Variants in IGF2R observed in about 807,000 individuals in gnomAD.
The protein encoded by IGF2R is cation-independent mannose-6-phosphate receptor.
Under a neutral mutation model 270.6 loss-of-function variants are expected in IGF2R, and 91 were observed. The ratio of observed to expected loss-of-function variants is 0.34; its 90% CI spans 0.28 to 0.40. The LOEUF is 0.40. IGF2R is among the 10% of genes least tolerant of loss of function. The probability of loss-of-function intolerance (pLI) is 1.00; values close to 1 mark genes in which losing one functional copy is unlikely to be tolerated. For missense variants in IGF2R, 2,805 were observed against 3,188.3 expected (o/e 0.88, Z 2.90); for synonymous variants, 1,316 against 1,258.9 (o/e 1.05, Z -0.96).
intron 10 of IGF2R, among the ~76,000 whole-genome samples, chr6:160,039,413 G>A (rs1376847109): frequency 1.3e-5 from 2 of 152,226 alleles, no homozygotes; most frequent in East Asian, 3.8e-4. Context: ...ACTGTATAAA[G>A]AAAGTACTTA....
rs1290083583 is a variant in IGF2R at position 160,080,122 on chromosome 6, T to C, written c.5687-7T>C. 1 of 1,613,798 alleles carries C rather than the reference T, an allele frequency of 6.2e-7. No individual in the cohort carries two copies. The highest frequency in any genetic ancestry group is 8.5e-7 in the Non-Finnish European group (1 of 1,179,912). On this transcript the variant is annotated splice_region_variant and splice_polypyrimidine_tract_variant and intron_variant, in intron 38 of 47. Transcript: ENST00000356956. ...TGCCACACTGATAATGTTCTTCTTC[T>C]TTCCAGAAACCGATGACGGCGTCCC...
chr6:160,085,025 TAAAGGGCCCCTGGGCTGCTCTG>T lies in IGF2R; in HGVS notation c.6108_6129del (p.Leu2037AlafsTer25). On this transcript the variant is annotated frameshift_variant, in exon 41 of 48. Coordinates refer to ENST00000356956, the MANE Select transcript of IGF2R (RefSeq NM_000876.4). LOFTEE classifies it high-confidence loss of function. The stretch of plus-strand genomic sequence containing the variant: ...ATATAAATCTGTGCCAGAAAATATA[TAAAGGGCCCCTGGGCTGCTCTG>T]AAAGGGCCAGCATTTGCAGAAGGAC... 1.2e-6 allele frequency: 2 copies of T among 1,614,096 alleles called. No individual in the cohort carries two copies. Among genetic ancestry groups the T allele is most frequent in the Non-Finnish European group, 1.7e-6 (2 of 1,179,986 alleles).
rs572961206 is a variant in IGF2R, at chr6:160,047,222, C to T, written c.2115C>T (p.Ile705=). The part of the protein sequence containing the change: ...NAKLSYYDGM[I]QLNYRGGTPY... ...AGCTTTCATATTATGATGGGATGAT[C>T]CAACTGAACTACAGAGGCGGCACAC... Residue 705 remains isoleucine (I), a synonymous_variant, in exon 16 of 48, where the codon ATC becomes ATT. Transcript: ENST00000356956. The T allele has an allele frequency of 1.9e-6, 3 of 1,613,982 alleles. No homozygotes were observed. Among genetic ancestry groups the T allele is most frequent in the East Asian group, 4.5e-5 (2 of 44,888 alleles).
Position 160,105,032 on chromosome 6 carries a change from C to T in IGF2R, c.7424C>T (p.Thr2475Ile), listed in dbSNP as rs2114746987. The T allele has an allele frequency of 1.2e-6, 2 of 1,611,874 alleles. No individual in the cohort carries two copies. Among genetic ancestry groups the T allele is most frequent in the Non-Finnish European group, 1.7e-6 (2 of 1,178,894 alleles). The change falls in exon 48 of 48, where the codon ACC (threonine) becomes ATC (isoleucine). Residue 2475 changes from threonine (T) to isoleucine (I), a missense_variant. Around this residue, in one of 2 missense-constraint regions of IGF2R, gnomAD observed 1,851 missense variants for 2,207.2 expected, o/e 0.84. Coordinates refer to ENST00000356956, the MANE Select transcript of IGF2R (RefSeq NM_000876.4). Reference sequence around the variant, plus strand: ...GCACAGCAGAAGACAGTGAGCTCCACCAAGCTGGTGTCCTTCCATGACGAC... The same window carrying T: ...GCACAGCAGAAGACAGTGAGCTCCATCAAGCTGGTGTCCTTCCATGACGAC... ...SSAQQKTVSS[T>I]KLVSFHDDSD...
chr6:159,985,121 A>G (rs748182078), intron 1 of IGF2R, among the ~76,000 whole-genome samples: 1 of 151,738 alleles, frequency 6.6e-6, no homozygotes, highest in Non-Finnish European at 1.5e-5. Flanking sequence ...TTGGCAATAT[A>G]ATAGGAACTC....
intron 35 of IGF2R, among the ~76,000 whole-genome samples, chr6:160,074,963 C>T (rs562415938): frequency 6.6e-6 from 1 of 152,312 alleles, no homozygotes; most frequent in East Asian, 1.9e-4. Flanking sequence ...TGCCTGGCCA[C>T]CCATTGTCAA....
At chr6:159,983,244 C>A (rs566355778) in intron 1 of IGF2R, among the ~76,000 whole-genome samples, 18 of 152,184 alleles carry the variant, frequency 1.2e-4, no homozygotes, top group Non-Finnish European at 1.6e-4. Flanking sequence ...TCGATTGCGG[C>A]CCTTGCTGGA....
Position 160,060,704 on chromosome 6 carries a change from C to G in IGF2R, c.3249C>G (p.Asp1083Glu), listed in dbSNP as rs755640551. The change falls in exon 23 of 48, where the codon GAC becomes GAG. Residue 1083 changes from aspartate to glutamate, a missense_variant. Transcript: ENST00000356956. ...TALACVPSPV[D>E]CQVTDLAGNE... is the part of the protein sequence containing the mutation. The stretch of plus-strand genomic sequence containing the variant: ...TGGCCTGTGTTCCTTCTCCAGTGGA[C>G]TGCCAAGTCACCGGTAAGGCCGTGC... The G allele has an allele frequency of 2.4e-5, 39 of 1,614,130 alleles. 1 individual carries two copies. The highest frequency in any genetic ancestry group is 6.7e-5 in the Admixed American group (4 of 60,014).
At chr6:159,973,396 T>TA (rs1783641400) in intron 1 of IGF2R, among the ~76,000 whole-genome samples, 1 of 152,198 alleles carries the variant, frequency 6.6e-6, no homozygotes, top group South Asian at 2.1e-4. Context: ...TTAAGGTAGT[T>TA]AAGAGCTTCA....
rs142965315 is a variant in IGF2R, at chr6:160,075,935, C to T, written c.5255C>T (p.Ala1752Val). Residue 1752 changes from alanine (A) to valine (V), a missense_variant, in exon 36 of 48, where the codon GCG becomes GTG. By Grantham distance (64) the Ala-to-Val change is moderately conservative (BLOSUM62 0). Coordinates refer to ENST00000356956, the MANE Select transcript of IGF2R (RefSeq NM_000876.4). Reference protein sequence around the residue: ...LNFESSTPCLADKHFNYTSLI... With the variant: ...LNFESSTPCLVDKHFNYTSLI... ...TTTGAAAGCAGTACTCCTTGCTTAG[C>T]GGACAAGCATTTCAACTACACCTCG... The T allele has an allele frequency of 1.0e-3, 1,614 of 1,614,068 alleles. 4 individuals are homozygous for T. The African/African-American group carries it at 0.015, about 15-fold the overall frequency.
chr6:160,104,945 G>C lies in IGF2R; in HGVS notation c.7337G>C (p.Arg2446Pro). 3 of 1,614,138 alleles carry C rather than the reference G, an allele frequency of 1.9e-6. No individual in the cohort carries two copies. The highest frequency in any genetic ancestry group is 2.5e-6 in the Non-Finnish European group (3 of 1,180,028). Residue 2446 changes from arginine (R) to proline (P), a missense_variant, in exon 48 of 48, where the codon CGT becomes CCT. By Grantham distance (103) the Arg-to-Pro change is moderately radical (BLOSUM62 -2). This residue lies in a region of IGF2R where 1,851 missense variants were observed against 2,207.2 expected (regional missense o/e 0.84). Coordinates refer to ENST00000356956, the MANE Select transcript of IGF2R (RefSeq NM_000876.4). ...GCACAGAGCAATGCCCTTCAGGAGC[G>C]TGAGGACGATAGGGTGGGGCTGGTC... ...RNAQSNALQE[R>P]EDDRVGLVRG...
intron 2 of IGF2R, among the ~76,000 whole-genome samples, chr6:159,997,495 C>T (rs1784070768): frequency 6.6e-6 from 1 of 152,116 alleles, no homozygotes; most frequent in Non-Finnish European, 1.5e-5. Flanking sequence ...TTGCTGCCCG[C>T]ACCAGTGTTT....
At position 160,073,393 on chromosome 6, in the gene IGF2R, C is replaced by T; in HGVS notation, c.4871C>T (p.Pro1624Leu). 1 of 1,614,228 alleles carries T rather than the reference C, an allele frequency of 6.2e-7. No individual in the cohort carries two copies. The highest frequency in any genetic ancestry group is 8.5e-7 in the Non-Finnish European group (1 of 1,180,018). ...CRPEARPTNR[P>L]MLISLDKQTC... ...CCTGAGGCCAGGCCAACCAATAGGC[C>T]CATGCTCATCTCCCTGGACAAGCAG... The change falls in exon 34 of 48, where the codon CCC becomes CTC. Residue 1624 changes from proline (P) to leucine (L), a missense_variant. Coordinates refer to ENST00000356956, the MANE Select transcript of IGF2R (RefSeq NM_000876.4).
Position 160,092,590 on chromosome 6 carries a change from A to G in IGF2R, c.6655+2487A>G, listed in dbSNP as rs377430751. On this transcript the variant is annotated intron_variant, in intron 44 of 47. Coordinates refer to ENST00000356956, the MANE Select transcript of IGF2R (RefSeq NM_000876.4). Reference sequence around the variant, plus strand: ...TCTTTCATGAAGAAATGAAGTTTCTATCTCTTCCTGAGGCTTGCCATTCCT... The same window carrying G: ...TCTTTCATGAAGAAATGAAGTTTCTGTCTCTTCCTGAGGCTTGCCATTCCT... Among the ~76,000 whole-genome samples, 69 of 152,346 alleles carry G rather than the reference A, an allele frequency of 4.5e-4. 1 individual carries two copies. The highest frequency in any genetic ancestry group is 6.8e-3 in the Middle Eastern group (2 of 294).
At chr6:160,060,777 G>A in intron 23 of IGF2R, 60 bp downstream of exon 23, 1 of 1,524,110 alleles carries the variant, frequency 6.6e-7, no homozygotes, top group Non-Finnish European at 9.1e-7. Flanking sequence ...TGTGTGAGTG[G>A]ATATGAAGGT....
intron 4 of IGF2R, 83 bp downstream of exon 4, chr6:160,010,868 G>A (rs572959045): frequency 4.4e-5 from 34 of 775,966 alleles, no homozygotes; most frequent in Admixed American, 1.8e-4. Context: ...TAACCTTTCC[G>A]GGTGAAAATC....
chr6:160,005,152 A>T (rs1038584992), intron 2 of IGF2R: 1 of 152,292 alleles, frequency 6.6e-6, no homozygotes, highest in African/African-American at 2.4e-5. Flanking sequence ...ACTGGGAGCC[A>T]TGGCAGCTGA....
chr6:160,054,120 G>T (rs975953143), intron 19 of IGF2R, among the ~76,000 whole-genome samples: 2 of 152,200 alleles, frequency 1.3e-5, no homozygotes, highest in Non-Finnish European at 2.9e-5. Flanking sequence ...AGGCTGGGAA[G>T]TGTAGCCTCA....
chr6:160,059,105 T>C lies in IGF2R; in HGVS notation c.3091+7T>C. On this transcript the variant is annotated splice_region_variant and intron_variant, in intron 22 of 47. Coordinates refer to ENST00000356956, the MANE Select transcript of IGF2R (RefSeq NM_000876.4). ...GGGCCTCTCTCTGCCAAAGGTGAGCTCAGAGCCATGTTGTTTTGTAGCTAA... is the reference window on the plus strand; with the variant it reads ...GGGCCTCTCTCTGCCAAAGGTGAGCCCAGAGCCATGTTGTTTTGTAGCTAA... 6.2e-7 allele frequency: 1 copy of C among 1,611,542 alleles called. No homozygotes were observed. The highest frequency in any genetic ancestry group is 8.5e-7 in the Non-Finnish European group (1 of 1,178,640).
Sources: gnomAD v4.1 joint callset for allele counts (sites outside exome capture counted in the v4.1 genomes callset) on GRCh38, gnomAD v4.1.1 for gene constraint, gnomAD v4.1.1 regional missense constraint, MANE v1.5 for transcripts, NCBI Gene and HGNC (gene_info 2026-07-23, HGNC 2026-07-21) for gene names.